Variants in RALYL observed in about 807,000 individuals in gnomAD.
The protein encoded by RALYL is RALY RNA binding protein like.
Under a neutral mutation model 35.1 loss-of-function variants are expected in RALYL, and 29 were observed. The observed-to-expected ratio is 0.83, with a 90% CI of 0.61 to 1.13. The LOEUF is 1.13. RALYL is among the 50% of genes most tolerant of loss of function. RALYL has a pLI of 0.00. For synonymous variants in RALYL, 120 were observed against 127.6 expected (o/e 0.94, Z 0.40); for missense variants, 359 against 360.4 (o/e 1.00, Z 0.03).
At chr8:84,286,437 GA>G (rs1419443402) in intron 1 of RALYL, among the ~76,000 whole-genome samples, 2 of 152,096 alleles carry the variant, frequency 1.3e-5, no homozygotes, top group African/African-American at 4.8e-5. Flanking sequence ...TTTTGTTACC[GA>G]ACTGAACTTG....
At chr8:84,729,734 C>T (rs1845758427) in intron 2 of RALYL, among the ~76,000 whole-genome samples, 1 of 151,826 alleles carries the variant, frequency 6.6e-6, no homozygotes, top group South Asian at 2.1e-4. Context: ...TACAAACTAC[C>T]ATCAGAGAAT....
intron 2 of RALYL, among the ~76,000 whole-genome samples, chr8:84,640,142 C>T (rs1296887700): frequency 6.6e-6 from 1 of 151,878 alleles, no homozygotes; most frequent in African/African-American, 2.4e-5. Context: ...ATTATTGCAA[C>T]AGAAACATAG....
rs563418698 is a variant in RALYL, at chr8:84,478,172, C to T, written c.-23-51127C>T. ...TTTTTTAAATGAGTTAAAAACCCAACAATTTACTTTATGTTGATACATGCT... is the reference window on the plus strand; with the variant it reads ...TTTTTTAAATGAGTTAAAAACCCAATAATTTACTTTATGTTGATACATGCT... On this transcript the variant is annotated intron_variant, in intron 1 of 8. Transcript: ENST00000521268. 4.4e-3 allele frequency among the ~76,000 whole-genome samples: 675 copies of T among 152,102 alleles called. 6 individuals carry two copies. Among genetic ancestry groups the T allele is most frequent in the African/African-American group, 0.016 (650 of 41,524 alleles).
chr8:84,876,460 T>C (rs1170211115), intron 7 of RALYL, among the ~76,000 whole-genome samples: 2 of 152,240 alleles, frequency 1.3e-5, no homozygotes, highest in East Asian at 1.9e-4. Context: ...TGTTAGATGA[T>C]TCTTTTAAAA....
intron 4 of RALYL, among the ~76,000 whole-genome samples, chr8:84,842,141 G>C (rs905063603): frequency 6.6e-6 from 1 of 152,054 alleles, no homozygotes; most frequent in Non-Finnish European, 1.5e-5. Flanking sequence ...AGGAAATAGA[G>C]ACACAAAAAA....
At chr8:84,405,413 T>C (rs2043368586) in intron 1 of RALYL, among the ~76,000 whole-genome samples, 1 of 152,096 alleles carries the variant, frequency 6.6e-6, no homozygotes, top group Non-Finnish European at 1.5e-5. Flanking sequence ...AATCAATGAA[T>C]CCAGGAGGTG....
At chr8:84,474,790 G>A (rs376254521) in intron 1 of RALYL, among the ~76,000 whole-genome samples, 8 of 152,206 alleles carry the variant, frequency 5.3e-5, no homozygotes, top group African/African-American at 1.9e-4. Context: ...TGTGGTGAAT[G>A]TGAAACACAC....
chr8:84,445,335 T>A (rs547771144), intron 1 of RALYL, among the ~76,000 whole-genome samples: 1 of 152,020 alleles, frequency 6.6e-6, no homozygotes, highest in South Asian at 2.1e-4. Flanking sequence ...ATAATCAGTA[T>A]TTTTTCTTTT....
intron 1 of RALYL, among the ~76,000 whole-genome samples, chr8:84,244,037 T>A (rs1828561659): frequency 6.6e-6 from 1 of 152,036 alleles, no homozygotes; most frequent in Admixed American, 6.6e-5. Flanking sequence ...TAGTAAATTA[T>A]TTTTTTTCTT....
At chr8:84,216,244 T>A (rs551672149) in intron 1 of RALYL, among the ~76,000 whole-genome samples, 21 of 152,014 alleles carry the variant, frequency 1.4e-4, no homozygotes, top group Non-Finnish European at 2.6e-4. Context: ...TTTTGCAAAA[T>A]TATACACTAA....
chr8:84,749,131 T>C (rs1313240689), intron 2 of RALYL, among the ~76,000 whole-genome samples: 1 of 152,144 alleles, frequency 6.6e-6, no homozygotes, highest in Admixed American at 6.5e-5. Context: ...GTTCAAAAAA[T>C]GCAGATTGAA....
intron 1 of RALYL, among the ~76,000 whole-genome samples, chr8:84,370,030 TG>T (rs144204284): frequency 0.014 from 2,170 of 152,218 alleles, 29 homozygotes; most frequent in Middle Eastern, 0.041. Context: ...CAATTTCAAA[TG>T]TTATTAACAA....
chr8:84,519,477 A>G (rs1292445849), intron 1 of RALYL, among the ~76,000 whole-genome samples: 2 of 152,164 alleles, frequency 1.3e-5, no homozygotes, highest in African/African-American at 4.8e-5. Flanking sequence ...TGTCTTCTCT[A>G]AGTAACTTAG....
intron 2 of RALYL, among the ~76,000 whole-genome samples, chr8:84,547,523 G>A (rs377053121): frequency 1.3e-5 from 2 of 151,926 alleles, no homozygotes; most frequent in Non-Finnish European, 1.5e-5. Flanking sequence ...GGGACTACAA[G>A]TACCTGCTAC....
At position 84,543,723 on chromosome 8, in the gene RALYL, T is replaced by G. The variant is rs367950088; in HGVS notation, c.256+14146T>G. On this transcript the variant is annotated intron_variant, in intron 2 of 8. Coordinates refer to ENST00000521268, the MANE Select transcript of RALYL (RefSeq NM_173848.7). The stretch of plus-strand genomic sequence containing the variant: ...GGTCGTTTTGACATAACTCTAAGAG[T>G]CTTTGATAGTTTCCTTTATTTCTGA... Among the ~76,000 whole-genome samples the G allele has an allele frequency of 2.5e-4, 38 of 152,006 alleles. 2 individuals carry two copies. The East Asian group carries it at 5.4e-3, about 22-fold the overall frequency.
rs148241101 is a variant in RALYL at position 84,627,561 on chromosome 8, T to C, written c.256+97984T>C. On this transcript the variant is annotated intron_variant, in intron 2 of 8. Transcript: ENST00000521268. ...CTTCCTGCAGAAGAAAGAAACACTT[T>C]CTTCCTGTGTTCTCCTAGATTTCTT... Among the ~76,000 whole-genome samples, 1,044 of 151,238 alleles carry C rather than the reference T, an allele frequency of 6.9e-3. 13 individuals are homozygous for C. The highest frequency in any genetic ancestry group is 0.013 in the Non-Finnish European group (870 of 67,792).
chr8:84,304,065 T>G (rs910338293), intron 1 of RALYL, among the ~76,000 whole-genome samples: 6 of 152,152 alleles, frequency 3.9e-5, no homozygotes, highest in African/African-American at 1.4e-4. Flanking sequence ...ATTGGAATTC[T>G]ATTGATAAAA....
At chr8:84,391,611 T>C (rs1860715713) in intron 1 of RALYL, among the ~76,000 whole-genome samples, 1 of 152,066 alleles carries the variant, frequency 6.6e-6, no homozygotes, top group South Asian at 2.1e-4. Flanking sequence ...AACAGAACTC[T>C]TCAGTATTTA....
At chr8:84,749,579 A>G (rs1456096140) in intron 2 of RALYL, among the ~76,000 whole-genome samples, 2 of 152,172 alleles carry the variant, frequency 1.3e-5, no homozygotes, top group Non-Finnish European at 2.9e-5. Flanking sequence ...GTCCCCTAGA[A>G]GTGATAGCAA....
Sources: gnomAD v4.1 joint callset for allele counts (sites outside exome capture counted in the v4.1 genomes callset) on GRCh38, gnomAD v4.1.1 for gene constraint, MANE v1.5 for transcripts, NCBI Gene and HGNC (gene_info 2026-07-23, HGNC 2026-07-21) for gene names.